The following SYTL1 variants were observed in gnomAD, a reference collection of about 807,000 sequenced individuals.
SYTL1 encodes the protein synaptotagmin like 1, also known as synaptotagmin-like protein 1.
Under a neutral mutation model 74.6 loss-of-function variants are expected in SYTL1, and 53 were observed. That is an observed-to-expected ratio of 0.71 (90% CI 0.57 to 0.89). The LOEUF (loss-of-function observed/expected upper bound fraction) is 0.89, where lower values mean the gene tolerates loss of function less well. Ranked by LOEUF, SYTL1 falls within the 40% of genes least tolerant of loss-of-function variation. SYTL1 has a pLI of 0.00. For missense variants in SYTL1, 728 were observed against 768.7 expected (o/e 0.95, Z 0.63); for synonymous variants, 329 against 324.9 (o/e 1.01, Z -0.14).
Position 27,351,068 on chromosome 1 carries a change from CTT to C in SYTL1, c.1164+117_1164+118del. The C allele has an allele frequency of 7.2e-7, 1 of 1,389,032 alleles. No homozygotes were observed. The highest frequency in any genetic ancestry group is 9.8e-7 in the Non-Finnish European group (1 of 1,021,458). The allele number at this position is 1,389,032 out of a possible 1,614,324, so 86.0% of individuals were successfully genotyped here. A position where few individuals can be genotyped will look rare whatever the true frequency, so the allele number is the denominator to read the frequency against. ...CTTCGACAGAACCTCCCCTCAACCT[CTT>C]AACCTCATGGCCCCAGGCGAAGCCC... On this transcript the variant is annotated intron_variant, in intron 11 of 14. Transcript: ENST00000616558. This position sits in a 1 kb window ranked among gnomAD's most constrained non-coding sequence, Gnocchi z 5.0.
Position 27,347,895 on chromosome 1 carries a change from C to A in SYTL1, c.413+15C>A, listed in dbSNP as rs1231300722. 1.8e-5 allele frequency: 29 copies of A among 1,614,116 alleles called. No individual in the cohort carries two copies. The highest frequency in any genetic ancestry group is 2.4e-5 in the Non-Finnish European group (28 of 1,179,986). On this transcript the variant is annotated intron_variant, in intron 4 of 14. Transcript: ENST00000616558. The surrounding 1 kb of genome is among the most constrained non-coding windows in gnomAD (Gnocchi z 4.9). ...CCAGAGCCCAGGTGAGGAGGAGTCT[C>A]AGGAAGGGGGAGATGGTGCCCACCA... is the stretch of plus-strand genomic sequence containing the variant.
At chr1:27,352,987 T>C (rs2015338165) in intron 13 of SYTL1, 1 of 376,476 alleles carries the variant, frequency 2.7e-6, no homozygotes. Flanking sequence ...GGTTTCACCA[T>C]GTTGGCCAGG....
At position 27,349,157 on chromosome 1, in the gene SYTL1, G is replaced by A. The variant is rs369402414; in HGVS notation, c.532+5G>A. ...AGGCGTCCCAGGCCCAGGAAGGTGAGTGGGAGCGCCTGTTGGGGAGCACGG... is the reference window on the plus strand; with the variant it reads ...AGGCGTCCCAGGCCCAGGAAGGTGAATGGGAGCGCCTGTTGGGGAGCACGG... On this transcript the variant is annotated splice_donor_5th_base_variant and intron_variant, in intron 6 of 14. Transcript: ENST00000616558. 1 of 1,613,334 alleles carries A rather than the reference G, an allele frequency of 6.2e-7. No homozygotes were observed. The highest frequency in any genetic ancestry group is 1.1e-5 in the South Asian group (1 of 91,052).
In SYTL1 at chr1:27,348,027, C is replaced by G. The variant is rs2015078563; in HGVS notation, c.459+15C>G. Reference sequence around the variant, plus strand: ...GGGAGACTGAGGTAAGTGAATGAGCCAACATGTGAGTACAGTGTCCCTGGA... The same window carrying G: ...GGGAGACTGAGGTAAGTGAATGAGCGAACATGTGAGTACAGTGTCCCTGGA... On this transcript the variant is annotated intron_variant, in intron 5 of 14. Coordinates refer to ENST00000616558, the MANE Select transcript of SYTL1 (RefSeq NM_001193308.2). The surrounding 1 kb of genome is among the most constrained non-coding windows in gnomAD (Gnocchi z 4.1). The G allele has an allele frequency of 6.2e-7, 1 of 1,613,184 alleles. No individual in the cohort carries two copies.
In SYTL1 at chr1:27,348,866, A is replaced by G. The variant is rs2015112774; in HGVS notation, c.460-214A>G. Among the ~76,000 whole-genome samples, 1 of 152,196 alleles carries G rather than the reference A, an allele frequency of 6.6e-6. No individual in the cohort carries two copies. Among genetic ancestry groups the G allele is most frequent in the South Asian group, 2.1e-4 (1 of 4,826 alleles). ...AGGTACGAATGACCCCACCAATGGG[A>G]GTAGGGAGTCAGGCGGCACAAGCCC... On this transcript the variant is annotated intron_variant, in intron 5 of 14. Coordinates refer to ENST00000616558, the MANE Select transcript of SYTL1 (RefSeq NM_001193308.2). This position sits in a 1 kb window ranked among gnomAD's most constrained non-coding sequence, Gnocchi z 4.1.
chr1:27,347,592 G>C lies in SYTL1; in HGVS notation c.340+23G>C. Reference sequence around the variant, plus strand: ...GGGGTGAGAGGAGATCCTCGGGGCAGGGCAAGCCATGTGCCGTCCAGGGCG... The same window carrying C: ...GGGGTGAGAGGAGATCCTCGGGGCACGGCAAGCCATGTGCCGTCCAGGGCG... On this transcript the variant is annotated intron_variant, in intron 3 of 14. Transcript: ENST00000616558. This position sits in a 1 kb window ranked among gnomAD's most constrained non-coding sequence, Gnocchi z 4.9. 6.2e-7 allele frequency: 1 copy of C among 1,612,020 alleles called. No individual in the cohort carries two copies.
Position 27,347,417 on chromosome 1 carries a change from C to A in SYTL1, c.192-4C>A, listed in dbSNP as rs984409819. On this transcript the variant is annotated splice_region_variant and splice_polypyrimidine_tract_variant and intron_variant, in intron 2 of 14. Transcript: ENST00000616558. The surrounding 1 kb of genome is among the most constrained non-coding windows in gnomAD (Gnocchi z 4.9). Reference sequence around the variant, plus strand: ...TGACAGCCACACCCTCCCCCTTCCTCCAGCAAGCTCCGGGCCTCAGTGGCA... The same window carrying A: ...TGACAGCCACACCCTCCCCCTTCCTACAGCAAGCTCCGGGCCTCAGTGGCA... 6 of 1,613,920 alleles carry A rather than the reference C, an allele frequency of 3.7e-6. No homozygotes were observed. The African/African-American group carries it at 6.7e-5, about 18-fold the overall frequency.
rs761305430 is a variant in SYTL1 at position 27,350,784 on chromosome 1, C to T, written c.1006-10C>T. On this transcript the variant is annotated splice_polypyrimidine_tract_variant and intron_variant, in intron 10 of 14. Coordinates refer to ENST00000616558, the MANE Select transcript of SYTL1 (RefSeq NM_001193308.2). The surrounding 1 kb of genome is among the most constrained non-coding windows in gnomAD (Gnocchi z 6.3). The stretch of plus-strand genomic sequence containing the variant: ...GCAGTGCTCCACTAAAGCTCACCTC[C>T]TGTCCTCAGTACTCCGTCCCGCAGG... 3 of 1,613,592 alleles carry T rather than the reference C, an allele frequency of 1.9e-6. No individual in the cohort carries two copies. The South Asian group carries it at 3.3e-5, about 18-fold the overall frequency.
At position 27,353,821 on chromosome 1, in the gene SYTL1, C is replaced by T; in HGVS notation, c.1658C>T (p.Pro553Leu). ...QPCEWVDGLL[P>L]LRTNLAPRT ...TGCGAATGGGTGGATGGCCTTCTAC[C>T]CCTCAGAACCAACCTGGCCCCCAGG... is the stretch of plus-strand genomic sequence containing the variant. The change falls in exon 15 of 15, where the codon CCC (proline) becomes CTC (leucine). Residue 553 changes from proline to leucine, a missense_variant. Pro to Leu is a moderately conservative substitution (Grantham distance 98). Transcript: ENST00000616558. 1 of 1,613,996 alleles carries T rather than the reference C, an allele frequency of 6.2e-7. No individual in the cohort carries two copies. The highest frequency in any genetic ancestry group is 1.3e-5 in the African/African-American group (1 of 75,046).
intron 13 of SYTL1, chr1:27,352,154 A>C (rs1478589002): frequency 6.6e-6 from 1 of 152,144 alleles, no homozygotes; most frequent in Non-Finnish European, 1.5e-5. Context: ...AGCCTGACCA[A>C]CATGGTGAAA....
chr1:27,349,660 C>T lies in SYTL1; in HGVS notation c.642C>T (p.Ala214=). The T allele has an allele frequency of 1.2e-6, 2 of 1,608,490 alleles. No homozygotes were observed. The highest frequency in any genetic ancestry group is 1.7e-6 in the Non-Finnish European group (2 of 1,178,150). Residue 214 remains alanine (A), a synonymous_variant, in exon 8 of 15, where the codon GCC becomes GCT. Coordinates refer to ENST00000616558, the MANE Select transcript of SYTL1 (RefSeq NM_001193308.2). Reference sequence around the variant, plus strand: ...ACTTGCCCCCTCTGCAGACCAAGGCCGCGTCCCAGATCCTGGAGAATGGGG... The same window carrying T: ...ACTTGCCCCCTCTGCAGACCAAGGCTGCGTCCCAGATCCTGGAGAATGGGG... The part of the protein sequence containing the change: ...EPRPQQAQTK[A]ASQILENGEE...
rs756602255 is a variant in SYTL1, at chr1:27,351,387, A to T, written c.1243+51A>T. 17 of 1,506,218 alleles carry T rather than the reference A, an allele frequency of 1.1e-5. No individual in the cohort carries two copies. Among genetic ancestry groups the T allele is most frequent in the African/African-American group, 1.4e-5 (1 of 71,736 alleles). The allele number at this position is 1,506,218 out of a possible 1,614,324, so 93.3% of individuals were successfully genotyped here. On this transcript the variant is annotated intron_variant, in intron 12 of 14. Coordinates refer to ENST00000616558, the MANE Select transcript of SYTL1 (RefSeq NM_001193308.2). This position sits in a 1 kb window ranked among gnomAD's most constrained non-coding sequence, Gnocchi z 5.0. ...CTGGACACGCCCTGAAAAGCGGGAG[A>T]CTCCAGTCCCCGGGTTTGGGGGCGG...
Position 27,350,132 on chromosome 1 carries a change from C to G in SYTL1, c.908C>G (p.Pro303Arg). Reference protein sequence around the residue: ...LAAARRRRSDPYVKSYLLPDK... With the variant: ...LAAARRRRSDRYVKSYLLPDK... The stretch of plus-strand genomic sequence containing the variant: ...GCCGCCCGGCGCCGCCGCTCGGACC[C>G]GTGAGTGCCCCGCCGGCCAAGCGGG... Residue 303 changes from proline (P) to arginine (R), a missense_variant and splice_region_variant, in exon 9 of 15, where the codon CCC becomes CGC. Physicochemically the swap from Pro to Arg is moderately radical, Grantham distance 103 (BLOSUM62 -2). Transcript: ENST00000616558. This position sits in a 1 kb window ranked among gnomAD's most constrained non-coding sequence, Gnocchi z 6.3. 7.2e-7 allele frequency: 1 copy of G among 1,396,674 alleles called. No individual in the cohort carries two copies. The highest frequency in any genetic ancestry group is 1.6e-5 in the South Asian group (1 of 61,576). The allele number at this position is 1,396,674 out of a possible 1,614,324, so 86.5% of individuals were successfully genotyped here.
rs1249484808 is a variant in SYTL1, at chr1:27,343,715, GT to G, written c.-39+1567del. Among the ~76,000 whole-genome samples, 1 of 152,172 alleles carries G rather than the reference GT, an allele frequency of 6.6e-6. No homozygotes were observed. Among genetic ancestry groups the G allele is most frequent in the Non-Finnish European group, 1.5e-5 (1 of 68,022 alleles). ...TTAATCAAACTTTTACCAACCATCT[GT>G]TGTGTGCAAAGTAATGGCTTTGAGG... is the stretch of plus-strand genomic sequence containing the variant. On this transcript the variant is annotated intron_variant, in intron 1 of 14. Coordinates refer to ENST00000616558, the MANE Select transcript of SYTL1 (RefSeq NM_001193308.2). This position sits in a 1 kb window ranked among gnomAD's most constrained non-coding sequence, Gnocchi z 5.2.
In SYTL1 at chr1:27,350,654, G is replaced by GC; in HGVS notation, c.1006-139dup. 2.7e-6 allele frequency: 3 copies of GC among 1,119,602 alleles called. No homozygotes were observed. The South Asian group carries it at 4.4e-5, about 16-fold the overall frequency. 69.4% of individuals were successfully genotyped at this position (1,119,602 alleles called of 1,614,324 possible). A position where few individuals can be genotyped will look rare whatever the true frequency, so the allele number is the denominator to read the frequency against. On this transcript the variant is annotated intron_variant, in intron 10 of 14. Transcript: ENST00000616558. This position sits in a 1 kb window ranked among gnomAD's most constrained non-coding sequence, Gnocchi z 6.3. ...GCCTCGTGGTGGGCGTGGTGATAGT[G>GC]CAGGTCCCCATTAATGCCCTTAGGG...
In SYTL1 at chr1:27,351,342, T is replaced by C; in HGVS notation, c.1243+6T>C. On this transcript the variant is annotated splice_donor_region_variant and intron_variant, in intron 12 of 14. Coordinates refer to ENST00000616558, the MANE Select transcript of SYTL1 (RefSeq NM_001193308.2). The surrounding 1 kb of genome is among the most constrained non-coding windows in gnomAD (Gnocchi z 5.0). The stretch of plus-strand genomic sequence containing the variant: ...CGTCCCCGCCGGCTCCGAGGGTGAG[T>C]GACAGCCGGAGAGGCCAAGCTGGAC... The C allele has an allele frequency of 6.5e-7, 1 of 1,544,798 alleles. No individual in the cohort carries two copies. The highest frequency in any genetic ancestry group is 8.7e-7 in the Non-Finnish European group (1 of 1,144,144).
At position 27,349,647 on chromosome 1, in the gene SYTL1, T is replaced by A; in HGVS notation, c.634-5T>A. 1 of 1,603,722 alleles carries A rather than the reference T, an allele frequency of 6.2e-7. No individual in the cohort carries two copies. Among genetic ancestry groups the A allele is most frequent in the Non-Finnish European group, 8.5e-7 (1 of 1,175,910 alleles). On this transcript the variant is annotated splice_region_variant and splice_polypyrimidine_tract_variant and intron_variant, in intron 7 of 14. Transcript: ENST00000616558. ...GGGGCGCCCCGTCACTTGCCCCCTC[T>A]GCAGACCAAGGCCGCGTCCCAGATC...
In SYTL1 at chr1:27,349,438, T is replaced by A. The variant is rs1351482466; in HGVS notation, c.573T>A (p.Ala191=). ...QGDQQVCAEE[A]DPELEPASGG... is the part of the protein sequence containing the mutation. ...ACCAACAGGTCTGTGCCGAGGAGGC[T>A]GACCCGGAGCTGGAGCCCGCGTCGG... The change falls in exon 7 of 15, where the codon GCT becomes GCA. Residue 191 remains alanine (A), a synonymous_variant. Transcript: ENST00000616558. 2 of 1,453,228 alleles carry A rather than the reference T, an allele frequency of 1.4e-6. No individual in the cohort carries two copies. The highest frequency in any genetic ancestry group is 2.5e-5 in the East Asian group (1 of 39,744). The allele number at this position is 1,453,228 out of a possible 1,614,324, so 90.0% of individuals were successfully genotyped here.
At position 27,353,463 on chromosome 1, in the gene SYTL1, G is replaced by A. The variant is rs1128918; in HGVS notation, c.1524G>A (p.Gly508=). 565,507 of 1,604,222 alleles carry A rather than the reference G, an allele frequency of 0.35. 104,198 individuals are homozygous for A. Among genetic ancestry groups the A allele is most frequent in the Non-Finnish European group, 0.38 (447,404 of 1,175,924 alleles). The change falls in exon 14 of 15, where the codon GGG becomes GGA. Residue 508 remains glycine, a synonymous_variant. Transcript: ENST00000616558. ...DHGALANRQL[G]GTRLSLGTGS... ...GGGCCCTGGCCAACCGCCAGCTGGG[G>A]GGCACACGCCTCAGCCTGGGCACCG...
Sources: gnomAD v4.1 joint callset for allele counts (sites outside exome capture counted in the v4.1 genomes callset) on GRCh38, gnomAD v4.1.1 for gene constraint, Gnocchi (gnomAD v3.1) non-coding constraint, MANE v1.5 for transcripts, NCBI Gene and HGNC (gene_info 2026-07-23, HGNC 2026-07-21) for gene names.